CDON: variants seen among roughly 807,000 people sequenced by gnomAD.
The protein encoded by CDON is cell adhesion molecule-related/down-regulated by oncogenes.
CDON carries 73 observed loss-of-function variants against 120.9 expected under a neutral mutation model. That is an observed-to-expected ratio of 0.60 (90% CI 0.50 to 0.73). The LOEUF is 0.73. Ranked by LOEUF, CDON falls within the 30% of genes least tolerant of loss-of-function variation. The pLI is 0.00. For synonymous variants in CDON, 566 were observed against 573.5 expected, an observed-to-expected ratio of 0.99 and a Z score of 0.19; for missense variants, 1,470 against 1,587.3, an observed-to-expected ratio of 0.93 and a Z score of 1.26.
chr11:126,051,806 C>T (rs997331315), intron 1 of CDON, among the ~76,000 whole-genome samples: 5 of 151,894 alleles, frequency 3.3e-5, no homozygotes, highest in Admixed American at 2.0e-4. Flanking sequence ...CACCACCACG[C>T]CCAGCTAATT....
At chr11:126,027,092 T>G (rs571471881) in intron 1 of CDON, among the ~76,000 whole-genome samples, 1 of 152,346 alleles carries the variant, frequency 6.6e-6, no homozygotes, top group East Asian at 1.9e-4. Context: ...CTACGTGCTC[T>G]CAGTTGATTT....
At chr11:125,997,519 C>CTTT (rs1300449330) in intron 11 of CDON, 109 bp from the exon 12 acceptor site, 1 of 883,210 alleles carries the variant, frequency 1.1e-6, no homozygotes, top group African/African-American at 1.7e-5. Context: ...GGTTCTTCAC[C>CTTT]AAACTTTTTG....
intron 1 of CDON, among the ~76,000 whole-genome samples, chr11:126,056,865 G>T (rs1948693311): frequency 6.6e-6 from 1 of 152,088 alleles, no homozygotes; most frequent in African/African-American, 2.4e-5. Context: ...TTTTATGGTG[G>T]ACTTTTCTTT....
At chr11:125,994,811 T>A (rs1307534748) in intron 13 of CDON, 60 bp downstream of exon 13, 30 of 1,434,076 alleles carry the variant, frequency 2.1e-5, no homozygotes, top group South Asian at 2.3e-5. Context: ...CATGAGAATA[T>A]TAAATTGATT....
At chr11:125,984,526 G>A (rs1239940023) in intron 15 of CDON, among the ~76,000 whole-genome samples, 2 of 152,028 alleles carry the variant, frequency 1.3e-5, no homozygotes, top group Non-Finnish European at 2.9e-5. Context: ...GGGAAACCCC[G>A]TGTCTACTAA....
At chr11:126,061,572 G>A (rs924824102) in intron 1 of CDON, among the ~76,000 whole-genome samples, 1 of 152,214 alleles carries the variant, frequency 6.6e-6, no homozygotes, top group Admixed American at 6.5e-5. Flanking sequence ...GGTATGCCAA[G>A]TGTCAGTTGG....
At chr11:126,057,164 T>C (rs538555750) in intron 1 of CDON, among the ~76,000 whole-genome samples, 1 of 152,298 alleles carries the variant, frequency 6.6e-6, no homozygotes, top group South Asian at 2.1e-4. Flanking sequence ...TGAATAAAAA[T>C]GAGGTCATGG....
chr11:125,964,816 T>A (rs1945744014), intron 18 of CDON, among the ~76,000 whole-genome samples: 1 of 152,130 alleles, frequency 6.6e-6, no homozygotes, highest in Non-Finnish European at 1.5e-5. Flanking sequence ...GAAAATTACA[T>A]TAGAGAACAA....
chr11:125,987,955 T>A (rs1178472304), intron 15 of CDON, among the ~76,000 whole-genome samples: 2 of 152,260 alleles, frequency 1.3e-5, no homozygotes, highest in Admixed American at 1.3e-4. Context: ...TCATTCAATC[T>A]TTTGGAGCCT....
intron 1 of CDON, among the ~76,000 whole-genome samples, chr11:126,049,615 C>T (rs773185860): frequency 6.6e-6 from 1 of 152,152 alleles, no homozygotes; most frequent in African/African-American, 2.4e-5. Context: ...TCATTAAATG[C>T]CAAAACATTT....
intron 14 of CDON, 143 bp downstream of exon 14, chr11:125,994,141 T>C: frequency 1.5e-6 from 1 of 674,744 alleles, no homozygotes; most frequent in Non-Finnish European, 2.7e-6. Context: ...AAAAGGTGGC[T>C]TTCTTTGGGA....
Position 125,984,075 on chromosome 11 carries a change from G to A in CDON, c.2792C>T (p.Ala931Val), listed in dbSNP as rs768164724. ...CAAGTCTTTGACAGGATATTCAGAA[G>A]CTCCAGGAACACGTTTCACTAGTTG... ...CETKVKRVPG[A>V]SEYPVKDLST... The change falls in exon 16 of 20, where the codon GCT (alanine) becomes GTT (valine). Residue 931 changes from alanine to valine, a missense_variant. Physicochemically the swap from Ala to Val is moderately conservative, Grantham distance 64. Transcript: ENST00000531738. 3.1e-6 allele frequency: 5 copies of A among 1,612,070 alleles called. No individual in the cohort carries two copies. Among genetic ancestry groups the A allele is most frequent in the Non-Finnish European group, 4.2e-6 (5 of 1,178,260 alleles).
chr11:126,002,163 T>A (rs186196781), intron 10 of CDON, among the ~76,000 whole-genome samples: 1 of 152,240 alleles, frequency 6.6e-6, no homozygotes, highest in Admixed American at 6.5e-5. Context: ...TTTTTCTTTT[T>A]ACTGTATATA....
chr11:125,965,305 G>A (rs1012009159), intron 18 of CDON, among the ~76,000 whole-genome samples: 11 of 152,150 alleles, frequency 7.2e-5, no homozygotes, highest in African/African-American at 2.7e-4. Context: ...AATTCTGATT[G>A]TTCCTGCTAA....
At chr11:125,992,575 T>C (rs1946662555) in intron 14 of CDON, among the ~76,000 whole-genome samples, 1 of 152,170 alleles carries the variant, frequency 6.6e-6, no homozygotes, top group South Asian at 2.1e-4. Flanking sequence ...CAGAATAGTT[T>C]TGGCACTAAA....
chr11:126,060,212 TA>T (rs1386667265), intron 1 of CDON, among the ~76,000 whole-genome samples: 1 of 152,188 alleles, frequency 6.6e-6, no homozygotes, highest in Non-Finnish European at 1.5e-5. Context: ...AAAAATACTG[TA>T]AAAAAGCAAG....
chr11:125,961,080 T>C lies in CDON; in HGVS notation c.3657A>G (p.Thr1219=), dbSNP rs1240332138. 4.3e-6 allele frequency: 7 copies of C among 1,613,830 alleles called. No homozygotes were observed. In the East Asian group the frequency reaches 1.6e-4, roughly 36 times the overall value. ...SRGDSCAHSE[T]EINIVSWNAL... Reference sequence around the variant, plus strand: ...CATTCCAACTTACAATGTTGATCTCTGTTTCTGAATGGGCACAGCTGTCTC... The same window carrying C: ...CATTCCAACTTACAATGTTGATCTCCGTTTCTGAATGGGCACAGCTGTCTC... Residue 1219 remains threonine, a synonymous_variant, in exon 20 of 20, where the codon ACA becomes ACG. Coordinates refer to ENST00000531738, the MANE Select transcript of CDON (RefSeq NM_001378964.1).
At chr11:125,973,018 CTTTTT>C (rs35828939) in intron 18 of CDON, among the ~76,000 whole-genome samples, 21 of 87,032 alleles carry the variant, frequency 2.4e-4, no homozygotes, top group African/African-American at 5.7e-4. Context: ...ATTACTTGGT[CTTTTT>C]TTTTTTTTTT....
At chr11:126,061,684 G>C (rs578113399) in intron 1 of CDON, among the ~76,000 whole-genome samples, 17 of 152,316 alleles carry the variant, frequency 1.1e-4, no homozygotes, top group African/African-American at 3.6e-4. Flanking sequence ...TCTCATGTGA[G>C]CTTTTAGTCC....
Sources: allele counts gnomAD v4.1 joint callset (sites outside exome capture counted in the v4.1 genomes callset), GRCh38; gene constraint gnomAD v4.1.1; transcripts MANE v1.5; gene names NCBI Gene and HGNC (gene_info 2026-07-23, HGNC 2026-07-21).